Variants in DMD observed in about 807,000 individuals in gnomAD.
The protein encoded by DMD is mutant dystrophin.
In DMD, 63 loss-of-function variants were observed where a neutral mutation model predicts 330.1. The observed-to-expected ratio is 0.19, with a 90% CI of 0.16 to 0.24. DMD has a LOEUF of 0.24. Among genes scored for constraint, DMD ranks in the 10% least tolerant of loss-of-function variants. The pLI is 1.00. For missense variants in DMD, 3,344 were observed against 2,684.1 expected (o/e 1.25, Z -5.43); for synonymous variants, 1,223 against 959.8 (o/e 1.27, Z -5.07).
intron 16 of DMD, among the ~76,000 whole-genome samples, chrX:32,560,224 A>C (rs922058177): frequency 3.6e-4 from 39 of 108,762 alleles, no homozygotes; most frequent in Non-Finnish European, 7.2e-4. Context: ...ACACCAAAGC[A>C]CCTGGTATAT....
chrX:33,213,037 G>A (rs1266094474), upstream of DMD, among the ~76,000 whole-genome samples: 4 of 110,581 alleles, frequency 3.6e-5, no homozygotes, highest in Non-Finnish European at 5.7e-5. Flanking sequence ...ACAACTTGTC[G>A]GTCCCAAACC....
At chrX:33,087,943 T>G (rs2095032276) in intron 1 of DMD, among the ~76,000 whole-genome samples, 1 of 111,755 alleles carries the variant, frequency 8.9e-6, no homozygotes, top group Non-Finnish European at 1.9e-5. Context: ...AGATGTCACC[T>G]CCTTTACGAA....
At chrX:33,003,491 C>T (rs1291026152) in intron 2 of DMD, among the ~76,000 whole-genome samples, 3 of 111,670 alleles carry the variant, frequency 2.7e-5, no homozygotes, top group African/African-American at 9.7e-5. Flanking sequence ...TTACCTATAA[C>T]AAAGTGGAAA....
chrX:31,690,681 C>T (rs187011563), intron 52 of DMD, among the ~76,000 whole-genome samples: 1 of 111,990 alleles, frequency 8.9e-6, no homozygotes, highest in Non-Finnish European at 1.9e-5. Flanking sequence ...ATGTTTATTG[C>T]TGCACTATTC....
chrX:31,535,816 A>G (rs2073350800), intron 55 of DMD, among the ~76,000 whole-genome samples: 1 of 111,746 alleles, frequency 8.9e-6, no homozygotes. Flanking sequence ...GATGAACATG[A>G]CAGACACTGT....
rs748561762 is a variant in DMD, at chrX:32,660,274, T to C, written c.961-15122A>G. ...AAACTCAAAATCAGGGTGGGCTAAG[T>C]GATAAGAGCAATCACTTCTGATTTG... On this transcript the variant is annotated intron_variant, in intron 9 of 78. Coordinates refer to ENST00000357033, the MANE Select transcript of DMD (RefSeq NM_004006.3). 3.6e-5 allele frequency among the ~76,000 whole-genome samples: 4 copies of C among 110,243 alleles called. No homozygotes were observed. In the South Asian group the frequency reaches 1.5e-3, roughly 42 times the overall value.
At chrX:31,802,114 A>C (rs942455057) in intron 50 of DMD, among the ~76,000 whole-genome samples, 1 of 111,392 alleles carries the variant, frequency 9.0e-6, no homozygotes, top group Admixed American at 9.6e-5. Context: ...TATCTGGTAT[A>C]AGGATGATGA....
chrX:32,595,232 T>A (rs762878109), intron 13 of DMD, among the ~76,000 whole-genome samples: 1 of 110,878 alleles, frequency 9.0e-6, no homozygotes, highest in East Asian at 2.8e-4. Context: ...GAAAATAAGG[T>A]GAAAATGAAA....
At chrX:31,998,115 G>C (rs998691097) in intron 44 of DMD, among the ~76,000 whole-genome samples, 2 of 111,328 alleles carry the variant, frequency 1.8e-5, no homozygotes, top group Non-Finnish European at 3.8e-5. Flanking sequence ...GTCAGCCCAT[G>C]ACAAAAACTA....
chrX:32,155,788 CA>C (rs1231147083), intron 44 of DMD, among the ~76,000 whole-genome samples: 4 of 111,728 alleles, frequency 3.6e-5, no homozygotes, highest in Admixed American at 9.5e-5. Context: ...ATTGCAGCCC[CA>C]GCATCTAGAA....
chrX:32,771,084 T>C (rs1364794360), intron 7 of DMD, among the ~76,000 whole-genome samples: 5 of 111,859 alleles, frequency 4.5e-5, no homozygotes, highest in African/African-American at 1.3e-4. Context: ...CCAATGAGCC[T>C]GGATCTGACT....
rs1389380434 is a variant in DMD, at chrX:33,159,780, T to C, written c.31+51502A>G. ...TGTGTCTTTATAGTAGAATGATTTA[T>C]AATCCTTTGAGTATACACCCAGTAA... On this transcript the variant is annotated intron_variant, in intron 1 of 78. Coordinates refer to ENST00000357033, the MANE Select transcript of DMD (RefSeq NM_004006.3). Among the ~76,000 whole-genome samples the C allele has an allele frequency of 8.9e-5, 10 of 112,013 alleles. No individual in the cohort carries two copies. The Admixed American group carries it at 9.5e-4, about 11-fold the overall frequency.
chrX:31,973,124 C>T, intron 44 of DMD, among the ~76,000 whole-genome samples: 1 of 110,406 alleles, frequency 9.1e-6, no homozygotes, highest in Middle Eastern at 4.6e-3. Flanking sequence ...ATGCTAAGCA[C>T]AGCACCAGGA....
chrX:31,399,772 G>A (rs1249747312), intron 60 of DMD, among the ~76,000 whole-genome samples: 1 of 111,734 alleles, frequency 8.9e-6, no homozygotes, highest in African/African-American at 3.3e-5. Flanking sequence ...GGACAGGGAG[G>A]CTAATCATTA....
chrX:31,339,479 AC>A (rs1355399892), intron 61 of DMD, among the ~76,000 whole-genome samples: 1 of 111,695 alleles, frequency 9.0e-6, no homozygotes, highest in Non-Finnish European at 1.9e-5. Flanking sequence ...AAATCATTTC[AC>A]CCTGAGATTT....
intron 55 of DMD, among the ~76,000 whole-genome samples, chrX:31,619,799 A>C (rs1194193084): frequency 5.3e-5 from 6 of 112,262 alleles, no homozygotes; most frequent in Non-Finnish European, 1.1e-4. Context: ...TAAAGGTTTT[A>C]ATACAATTAA....
intron 7 of DMD, among the ~76,000 whole-genome samples, chrX:32,740,271 T>C (rs755995373): frequency 9.1e-6 from 1 of 110,425 alleles, no homozygotes; most frequent in East Asian, 2.9e-4. Context: ...AATTCTATTC[T>C]TTTGAGTCGC....
intron 7 of DMD, among the ~76,000 whole-genome samples, chrX:32,703,939 T>C (rs1483364581): frequency 9.0e-6 from 1 of 111,599 alleles, no homozygotes. Flanking sequence ...ACACCAAGAC[T>C]CTACTACATA....
chrX:32,398,301 C>A (rs1449650773), intron 30 of DMD, among the ~76,000 whole-genome samples: 2 of 96,790 alleles, frequency 2.1e-5, no homozygotes, highest in African/African-American at 7.2e-5. Context: ...AAAAATATTA[C>A]CTTTAAATTA....
Sources: allele counts gnomAD v4.1 joint callset (sites outside exome capture counted in the v4.1 genomes callset), GRCh38; gene constraint gnomAD v4.1.1; transcripts MANE v1.5; gene names NCBI Gene and HGNC (gene_info 2026-07-23, HGNC 2026-07-21).